FOXP1: variants seen among roughly 807,000 people sequenced by gnomAD.
FOXP1 encodes the protein forkhead box protein P1.
In FOXP1, 15 loss-of-function variants were observed where a neutral mutation model predicts 98.2. The observed-to-expected ratio is 0.15, with a 90% CI of 0.10 to 0.24. The LOEUF (loss-of-function observed/expected upper bound fraction) is 0.24. Among genes scored for constraint, FOXP1 ranks in the 10% least tolerant of loss-of-function variants. The pLI is 1.00. For synonymous variants in FOXP1, 371 were observed against 314.5 expected, an observed-to-expected ratio of 1.18 and a Z score of -1.90; for missense variants, 633 against 848.5, an observed-to-expected ratio of 0.75 and a Z score of 3.15.
chr3:71,452,558 C>T (rs1351074356), intron 3 of FOXP1, among the ~76,000 whole-genome samples: 3 of 152,094 alleles, frequency 2.0e-5, no homozygotes, highest in Non-Finnish European at 4.4e-5. Flanking sequence ...TTACTGACCC[C>T]CAAAGGAGGC....
chr3:71,432,815 C>T (rs2084844178), intron 3 of FOXP1, among the ~76,000 whole-genome samples: 1 of 134,884 alleles, frequency 7.4e-6, no homozygotes, highest in Non-Finnish European at 1.5e-5. Context: ...AGCAGTTCGA[C>T]ACTTAACACT....
In FOXP1 at chr3:71,052,665, G is replaced by A. The variant is rs149818313; in HGVS notation, c.421-39C>T. 114 of 893,508 alleles carry A rather than the reference G, an allele frequency of 1.3e-4. 1 individual carries two copies. The African/African-American group carries it at 1.5e-3, about 12-fold the overall frequency. The allele number at this position is 893,508 out of a possible 1,614,324, so 55.3% of individuals were successfully genotyped here. Reference sequence around the variant, plus strand: ...AGAGGACGGTAAGTAACAGAGGGTAGCGCCAATCCACTGTCCCTTTTGGTG... The same window carrying A: ...AGAGGACGGTAAGTAACAGAGGGTAACGCCAATCCACTGTCCCTTTTGGTG... On this transcript the variant is annotated intron_variant, in intron 8 of 20. Transcript: ENST00000649528.
chr3:71,013,430 C>T (rs200781300), intron 12 of FOXP1, among the ~76,000 whole-genome samples: 268 of 152,140 alleles, frequency 1.8e-3, no homozygotes, highest in East Asian at 5.8e-3. Context: ...TACCTAGGAA[C>T]CCAACTTGCA....
intron 2 of FOXP1, among the ~76,000 whole-genome samples, chr3:71,554,091 TA>T (rs2045956447): frequency 1.3e-5 from 2 of 152,170 alleles, no homozygotes; most frequent in African/African-American, 4.8e-5. Context: ...CTCACACCTA[TA>T]ATCCCAACCT....
chr3:71,327,951 C>T (rs948118979), intron 4 of FOXP1, among the ~76,000 whole-genome samples: 1 of 152,180 alleles, frequency 6.6e-6, no homozygotes, highest in Non-Finnish European at 1.5e-5. Context: ...ATTCCCCCAA[C>T]CTCTCTACAC....
chr3:71,387,364 A>G (rs2080671144), intron 3 of FOXP1, among the ~76,000 whole-genome samples: 1 of 152,216 alleles, frequency 6.6e-6, no homozygotes, highest in Non-Finnish European at 1.5e-5. Context: ...GTCTTCCACC[A>G]TTAGTTAGTA....
intron 7 of FOXP1, among the ~76,000 whole-genome samples, chr3:71,059,293 G>A (rs1042703901): frequency 5.9e-5 from 9 of 152,030 alleles, no homozygotes; most frequent in South Asian, 4.1e-4. Flanking sequence ...AATGCTCTCC[G>A]AGCTCTTCTT....
intron 11 of FOXP1, among the ~76,000 whole-genome samples, chr3:71,024,813 A>G (rs1166790807): frequency 6.6e-6 from 1 of 152,208 alleles, no homozygotes; most frequent in East Asian, 1.9e-4. Flanking sequence ...TACCTTAACT[A>G]ACTTTACATC....
intron 4 of FOXP1, among the ~76,000 whole-genome samples, chr3:71,325,350 G>A (rs574039283): frequency 6.6e-6 from 1 of 152,268 alleles, no homozygotes; most frequent in African/African-American, 2.4e-5. Flanking sequence ...ACTGTGCCCA[G>A]CCAATCCCTT....
At chr3:71,177,104 GCCTT>G (rs1337107499) in intron 6 of FOXP1, among the ~76,000 whole-genome samples, 4 of 151,970 alleles carry the variant, frequency 2.6e-5, no homozygotes, top group African/African-American at 9.7e-5. Context: ...GAAAACAAAG[GCCTT>G]CCAATCAAAG....
intron 7 of FOXP1, among the ~76,000 whole-genome samples, chr3:71,085,988 A>G (rs2107562552): frequency 6.6e-6 from 1 of 151,968 alleles, no homozygotes; most frequent in Middle Eastern, 3.4e-3. Context: ...TTGGCCTCCC[A>G]AAGTGCTAGG....
At chr3:71,111,194 G>A (rs946256302) in intron 7 of FOXP1, among the ~76,000 whole-genome samples, 4 of 152,134 alleles carry the variant, frequency 2.6e-5, no homozygotes, top group African/African-American at 9.7e-5. Context: ...TTGGCACCAA[G>A]TTATATACCT....
chr3:71,052,776 C>G lies in FOXP1; in HGVS notation c.421-150G>C, dbSNP rs542338056. On this transcript the variant is annotated intron_variant, in intron 8 of 20. Coordinates refer to ENST00000649528, the MANE Select transcript of FOXP1 (RefSeq NM_001349338.3). ...GTTTGAAACTCGACAATAAATTCAGCGCACACTGACTATTCTTGGCATTAT... is the reference window on the plus strand; with the variant it reads ...GTTTGAAACTCGACAATAAATTCAGGGCACACTGACTATTCTTGGCATTAT... 289 of 687,478 alleles carry G rather than the reference C, an allele frequency of 4.2e-4. 4 individuals carry two copies. The South Asian group carries it at 4.2e-3, about 10-fold the overall frequency. The allele number at this position is 687,478 out of a possible 1,614,324, so 42.6% of individuals were successfully genotyped here. A position where few individuals can be genotyped will look rare whatever the true frequency, so the allele number is the denominator to read the frequency against.
chr3:71,116,594 AAC>A (rs968533743), intron 6 of FOXP1, among the ~76,000 whole-genome samples: 9 of 152,244 alleles, frequency 5.9e-5, no homozygotes, highest in Non-Finnish European at 1.2e-4. Flanking sequence ...TGAGTATGTT[AAC>A]AGAGTAGGAA....
chr3:71,495,767 A>T (rs879193629), intron 2 of FOXP1, among the ~76,000 whole-genome samples: 1 of 152,208 alleles, frequency 6.6e-6, no homozygotes, highest in Admixed American at 6.5e-5. Flanking sequence ...ACCCTAATAT[A>T]AAAGTCCTGA....
chr3:71,380,804 T>A (rs895354600), intron 3 of FOXP1, among the ~76,000 whole-genome samples: 1 of 150,186 alleles, frequency 6.7e-6, no homozygotes, highest in Non-Finnish European at 1.5e-5. Context: ...ACCAAACAAT[T>A]TTCCCCCAAG....
intron 3 of FOXP1, among the ~76,000 whole-genome samples, chr3:71,460,096 G>A (rs2087901814): frequency 6.6e-6 from 1 of 151,774 alleles, no homozygotes; most frequent in South Asian, 2.1e-4. Flanking sequence ...ACCATGCACG[G>A]CTAATTTTTT....
At chr3:71,287,723 T>G (rs2072306131) in intron 5 of FOXP1, among the ~76,000 whole-genome samples, 1 of 151,624 alleles carries the variant, frequency 6.6e-6, no homozygotes, top group African/African-American at 2.4e-5. Context: ...GAGGTTGCAG[T>G]GAGCTGAGGT....
intron 19 of FOXP1, chr3:70,966,415 G>T: frequency 3.1e-6 from 1 of 324,152 alleles, no homozygotes; most frequent in Non-Finnish European, 6.0e-6. Flanking sequence ...AAATATAATA[G>T]AATTTTTATT....
Sources: gnomAD v4.1 joint callset for allele counts (sites outside exome capture counted in the v4.1 genomes callset) on GRCh38, gnomAD v4.1.1 for gene constraint, MANE v1.5 for transcripts, NCBI Gene and HGNC (gene_info 2026-07-23, HGNC 2026-07-21) for gene names.